Variants in SORBS2 observed in about 807,000 individuals in gnomAD.
SORBS2 encodes sorbin and SH3 domain-containing protein 2.
In SORBS2, 46 loss-of-function variants were observed where a neutral mutation model predicts 97.7. That is an observed-to-expected ratio of 0.47 (90% CI 0.37 to 0.60). SORBS2 has a LOEUF of 0.60. SORBS2 is among the 20% of genes least tolerant of loss of function. SORBS2 has a pLI of 0.00. For synonymous variants in SORBS2, 476 were observed against 473.4 expected (o/e 1.01, Z -0.07); for missense variants, 1,316 against 1,282.3 (o/e 1.03, Z -0.40).
intron 1 of SORBS2, among the ~76,000 whole-genome samples, chr4:185,847,207 C>T (rs544758932): frequency 1.6e-4 from 24 of 152,282 alleles, no homozygotes. Flanking sequence ...CTTTTTACCA[C>T]TTTGTGTTTG....
chr4:185,897,016 C>G (rs2149817580), intron 1 of SORBS2, among the ~76,000 whole-genome samples: 1 of 152,132 alleles, frequency 6.6e-6, no homozygotes, highest in Non-Finnish European at 1.5e-5. Context: ...GCTCAGGAAA[C>G]AGTACCCCAG....
At position 185,866,916 on chromosome 4, in the gene SORBS2, T is replaced by C. The variant is rs561856481; in HGVS notation, c.-338+89280A>G. 5.8e-4 allele frequency among the ~76,000 whole-genome samples: 69 copies of C among 119,242 alleles called. 2 individuals are homozygous for C. The South Asian group carries it at 0.012, about 21-fold the overall frequency. The allele number at this position is 119,242 out of a possible 152,430, so 78.2% of individuals were successfully genotyped here. A position where few individuals can be genotyped will look rare whatever the true frequency, so the allele number is the denominator to read the frequency against. On this transcript the variant is annotated intron_variant, in intron 1 of 20. Coordinates refer to the SORBS2 transcript ENST00000284776. ...GGAATAAAGGCAGGACTCTGAGTTA[T>C]GAGAAAATAACACAGTGCTCTAATG...
At chr4:185,702,137 T>C (rs1308851816) in intron 2 of SORBS2, among the ~76,000 whole-genome samples, 2 of 152,196 alleles carry the variant, frequency 1.3e-5, no homozygotes, top group African/African-American at 4.8e-5. Context: ...TAAGTCAATG[T>C]GTTGCTATAA....
rs1406179391 is a variant in SORBS2 at position 185,615,127 on chromosome 4, T to A, written c.2384A>T (p.Tyr795Phe). The A allele has an allele frequency of 6.2e-7, 1 of 1,612,738 alleles. No individual in the cohort carries two copies. The highest frequency in any genetic ancestry group is 1.3e-5 in the African/African-American group (1 of 75,006). The stretch of plus-strand genomic sequence containing the variant: ...ATTTTGATCAATTTTCCTGAGGATG[T>A]AGACAGTATCTCCTTTCTTAAATGA... The change falls in exon 10 of 15, where the codon TAC becomes TTC. Residue 795 changes from tyrosine to phenylalanine, a missense_variant. Coordinates refer to ENST00000418609, the Ensembl canonical transcript of SORBS2.
At chr4:185,833,934 A>C (rs780603029) in intron 1 of SORBS2, among the ~76,000 whole-genome samples, 1 of 152,224 alleles carries the variant, frequency 6.6e-6, no homozygotes, top group Non-Finnish European at 1.5e-5. Flanking sequence ...CAGGAGTCTG[A>C]TTCCTGGAAC....
chr4:185,642,221 A>G (rs910489225), intron 4 of SORBS2, among the ~76,000 whole-genome samples: 1 of 152,216 alleles, frequency 6.6e-6, no homozygotes, highest in African/African-American at 2.4e-5. Flanking sequence ...TTATTGATAA[A>G]GAAGCTTAAG....
At chr4:185,640,876 C>T (rs2097113869) in intron 4 of SORBS2, among the ~76,000 whole-genome samples, 1 of 152,168 alleles carries the variant, frequency 6.6e-6, no homozygotes, top group Non-Finnish European at 1.5e-5. Context: ...TTCATAGTTT[C>T]TAATGTTACA....
At chr4:185,589,595 G>A (rs1382586367) in intron 14 of SORBS2, 84 bp downstream of exon 26, 9 of 781,256 alleles carry the variant, frequency 1.2e-5, no homozygotes, top group Non-Finnish European at 1.8e-5. Context: ...AAGGAAGCTC[G>A]GCCATCACAG....
chr4:185,705,844 T>G (rs893544417), intron 2 of SORBS2, among the ~76,000 whole-genome samples: 2 of 152,166 alleles, frequency 1.3e-5, no homozygotes, highest in Non-Finnish European at 2.9e-5. Context: ...TCTAGTCTAT[T>G]GAGGGCCTTT....
At chr4:185,752,131 G>C (rs1258867873) in intron 2 of SORBS2, among the ~76,000 whole-genome samples, 1 of 152,082 alleles carries the variant, frequency 6.6e-6, no homozygotes. Flanking sequence ...AAACAGAAAA[G>C]TATCTTAAAA....
chr4:185,749,840 C>T (rs2098788751), intron 2 of SORBS2, among the ~76,000 whole-genome samples: 2 of 152,208 alleles, frequency 1.3e-5, no homozygotes, highest in South Asian at 2.1e-4. Context: ...GCTGACTAAA[C>T]GTCCACCCAT....
chr4:185,918,411 T>A (rs184789367), intron 1 of SORBS2: 47 of 152,362 alleles, frequency 3.1e-4, no homozygotes, highest in Admixed American at 7.2e-4. Flanking sequence ...ATGTGCTAAA[T>A]GGCTTCTCTT....
rs1373000242 is a variant in SORBS2 at position 185,623,560 on chromosome 4, GC to G, written c.1568del (p.Cys523SerfsTer54). 6.2e-7 allele frequency: 1 copy of G among 1,614,116 alleles called. No individual in the cohort carries two copies. ...AAAAGTGATCAAAGTCACTTTCACT[GC>G]AGAAGGATGACCCCTCTAGGTGAAT... On this transcript the variant is annotated frameshift_variant, in exon 7 of 15. Coordinates refer to ENST00000418609, the Ensembl canonical transcript of SORBS2. LOFTEE classifies it high-confidence loss of function. This position sits in a 1 kb window ranked among gnomAD's most constrained non-coding sequence, Gnocchi z 6.4.
intron 2 of SORBS2, among the ~76,000 whole-genome samples, chr4:185,650,938 G>A (rs764412649): frequency 3.9e-5 from 6 of 152,096 alleles, no homozygotes; most frequent in Non-Finnish European, 8.8e-5. Context: ...TAGTTAAAGG[G>A]CCTGAATGTG....
intron 1 of SORBS2, among the ~76,000 whole-genome samples, chr4:185,923,145 G>A (rs373725684): frequency 3.3e-5 from 5 of 152,154 alleles, no homozygotes; most frequent in Admixed American, 3.3e-4. Context: ...CAGATAATGA[G>A]CAGACACTCC....
At chr4:185,778,976 T>C (rs556095826) in intron 1 of SORBS2, among the ~76,000 whole-genome samples, 1 of 152,346 alleles carries the variant, frequency 6.6e-6, no homozygotes, top group South Asian at 2.1e-4. Flanking sequence ...CCTCATTAGT[T>C]TGCCGAATGA....
intron 1 of SORBS2, chr4:185,919,381 T>C (rs1291440369): frequency 6.6e-6 from 1 of 152,210 alleles, no homozygotes; most frequent in Non-Finnish European, 1.5e-5. Flanking sequence ...AGGCTCCTCA[T>C]CAAGATGAAC....
intron 6 of SORBS2, among the ~76,000 whole-genome samples, chr4:185,626,197 C>G (rs1368629785): frequency 6.6e-6 from 1 of 152,202 alleles, no homozygotes; most frequent in Non-Finnish European, 1.5e-5. Flanking sequence ...GAAAAAAAGG[C>G]TTGGTGATTC....
intron 2 of SORBS2, among the ~76,000 whole-genome samples, chr4:185,711,144 A>AT (rs34177459): frequency 2.1e-4 from 32 of 149,172 alleles, no homozygotes; most frequent in African/African-American, 7.0e-4. Context: ...AAATCTTTTC[A>AT]TTTTTTTTTT....
Sources: allele counts gnomAD v4.1 joint callset (sites outside exome capture counted in the v4.1 genomes callset), GRCh38; gene constraint gnomAD v4.1.1; non-coding constraint Gnocchi (gnomAD v3.1); transcripts MANE v1.5; gene names NCBI Gene and HGNC (gene_info 2026-07-23, HGNC 2026-07-21).